The following ZRANB3 variants were observed in gnomAD, a reference collection of about 807,000 sequenced individuals.
The protein encoded by ZRANB3 is DNA annealing helicase and endonuclease ZRANB3.
A neutral mutation model predicts 133.8 loss-of-function variants in ZRANB3; 125 were observed. That is an observed-to-expected ratio of 0.93 (90% CI 0.81 to 1.08). The LOEUF is 1.08. ZRANB3 is among the 50% of genes least tolerant of loss of function. The probability of loss-of-function intolerance (pLI) is 0.00; values close to 1 mark genes in which losing one functional copy is unlikely to be tolerated. For missense variants in ZRANB3, 1,229 were observed against 1,275.5 expected, an observed-to-expected ratio of 0.96 and a Z score of 0.56; for synonymous variants, 387 against 432.7, an observed-to-expected ratio of 0.89 and a Z score of 1.31.
intron 2 of ZRANB3, among the ~76,000 whole-genome samples, chr2:135,484,361 A>G (rs1243229144): frequency 1.3e-5 from 2 of 152,244 alleles, no homozygotes; most frequent in Non-Finnish European, 2.9e-5. Flanking sequence ...CAAGCTTCTT[A>G]CATCTCCTGA....
At chr2:135,332,737 TG>T (rs1684205992) in intron 6 of ZRANB3, among the ~76,000 whole-genome samples, 1 of 152,124 alleles carries the variant, frequency 6.6e-6, no homozygotes, top group East Asian at 1.9e-4. Flanking sequence ...CCTTCGAAGG[TG>T]CTTGTTCATT....
chr2:135,442,139 A>G (rs1689808961), intron 2 of ZRANB3, among the ~76,000 whole-genome samples: 1 of 152,226 alleles, frequency 6.6e-6, no homozygotes, highest in Admixed American at 6.6e-5. Context: ...GCATGGGCAG[A>G]GACTTCAGGA....
intron 19 of ZRANB3, 62 bp from the exon 20 acceptor site, chr2:135,203,025 T>C: frequency 6.4e-7 from 1 of 1,569,744 alleles, no homozygotes; most frequent in Non-Finnish European, 8.7e-7. Context: ...TTTGTTGGTT[T>C]TGCATTGTGC....
intron 6 of ZRANB3, among the ~76,000 whole-genome samples, chr2:135,334,510 T>A (rs1332072106): frequency 2.6e-5 from 4 of 152,116 alleles, no homozygotes; most frequent in Non-Finnish European, 5.9e-5. Flanking sequence ...AGACACAACC[T>A]CTATTCAGCC....
rs1427444597 is a variant in ZRANB3 at position 135,202,921 on chromosome 2, G to C, written c.3052C>G (p.Gln1018Glu). ...TACACTGGCTTGATGTGATCCACCTGCCAGAAATGTCCTTCCCCTGGGTTT... is the reference window on the plus strand; with the variant it reads ...TACACTGGCTTGATGTGATCCACCTCCCAGAAATGTCCTTCCCCTGGGTTT... ...IRNPGEGHFW[Q>E]VDHIKPVYGG... is the part of the protein sequence containing the mutation. Residue 1018 changes from glutamine to glutamate, a missense_variant, in exon 20 of 21, where the codon CAG (glutamine) becomes GAG (glutamate). Physicochemically the swap from Gln to Glu is conservative, Grantham distance 29. Coordinates refer to ENST00000264159, the MANE Select transcript of ZRANB3 (RefSeq NM_032143.4). The C allele has an allele frequency of 1.2e-6, 2 of 1,612,642 alleles. No homozygotes were observed.
intron 6 of ZRANB3, among the ~76,000 whole-genome samples, chr2:135,321,040 A>G (rs1423719438): frequency 6.6e-5 from 10 of 152,232 alleles, no homozygotes; most frequent in Non-Finnish European, 1.3e-4. Flanking sequence ...AATTTCTGCA[A>G]TCACATTAGT....
intron 2 of ZRANB3, among the ~76,000 whole-genome samples, chr2:135,460,258 A>G (rs1574137855): frequency 6.6e-6 from 1 of 150,738 alleles, no homozygotes; most frequent in Middle Eastern, 3.5e-3. Context: ...ACTTTCAAAC[A>G]GCTAACTTTT....
At chr2:135,270,486 T>C (rs1680462227) in intron 10 of ZRANB3, among the ~76,000 whole-genome samples, 1 of 152,194 alleles carries the variant, frequency 6.6e-6, no homozygotes, top group Non-Finnish European at 1.5e-5. Context: ...CCATACATTA[T>C]TAATTTCAAA....
At chr2:135,307,015 T>C (rs971530406) in intron 8 of ZRANB3, among the ~76,000 whole-genome samples, 7 of 152,322 alleles carry the variant, frequency 4.6e-5, no homozygotes, top group Admixed American at 4.6e-4. Flanking sequence ...CATGAGCCAC[T>C]GTGCCAGTCA....
At chr2:135,526,604 T>C (rs968366747) in intron 1 of ZRANB3, among the ~76,000 whole-genome samples, 3 of 152,230 alleles carry the variant, frequency 2.0e-5, no homozygotes, top group Non-Finnish European at 4.4e-5. Flanking sequence ...CATAACATTA[T>C]GAGACAAGGA....
chr2:135,226,650 A>C (rs1010135767), intron 14 of ZRANB3, among the ~76,000 whole-genome samples: 3 of 152,216 alleles, frequency 2.0e-5, no homozygotes, highest in Admixed American at 6.5e-5. Context: ...ATCAATGTAC[A>C]ACTAACAAGC....
At chr2:135,260,819 T>C (rs1254427728) in intron 12 of ZRANB3, among the ~76,000 whole-genome samples, 3 of 145,528 alleles carry the variant, frequency 2.1e-5, no homozygotes, top group East Asian at 3.9e-4. Flanking sequence ...AGTATATATA[T>C]ACTATATATT....
chr2:135,411,361 T>C (rs1688294620), intron 2 of ZRANB3, among the ~76,000 whole-genome samples: 3 of 152,102 alleles, frequency 2.0e-5, no homozygotes, highest in Non-Finnish European at 4.4e-5. Flanking sequence ...AGTAAGGAGT[T>C]TTCTCATAGA....
At chr2:135,402,846 A>G (rs1687803131) in intron 2 of ZRANB3, among the ~76,000 whole-genome samples, 1 of 152,184 alleles carries the variant, frequency 6.6e-6, no homozygotes, top group African/African-American at 2.4e-5. Context: ...TCAGCCTACC[A>G]AAGTGCGAGG....
chr2:135,246,910 C>T (rs1695825758), intron 12 of ZRANB3, among the ~76,000 whole-genome samples: 1 of 152,154 alleles, frequency 6.6e-6, no homozygotes, highest in South Asian at 2.1e-4. Context: ...ACAGACAAAT[C>T]CCCTGGCTAT....
At chr2:135,265,761 G>A in intron 11 of ZRANB3, 75 bp from the exon 12 acceptor site, 1 of 1,448,510 alleles carries the variant, frequency 6.9e-7, no homozygotes, top group South Asian at 1.4e-5. Context: ...ACTTGATTTT[G>A]CATTTAAATC....
At chr2:135,242,683 T>C (rs16831481) in intron 12 of ZRANB3, among the ~76,000 whole-genome samples, 35,919 of 151,970 alleles carry the variant, frequency 0.24, 6,540 homozygotes, top group African/African-American at 0.49. Context: ...TCTTTCTAGA[T>C]CTCCTATTAG....
chr2:135,213,381 G>T (rs1694180780), intron 17 of ZRANB3, among the ~76,000 whole-genome samples: 1 of 152,180 alleles, frequency 6.6e-6, no homozygotes, highest in South Asian at 2.1e-4. Flanking sequence ...AGTCAATGCT[G>T]TTGTTCAACA....
chr2:135,470,221 A>T (rs934136513), intron 2 of ZRANB3, among the ~76,000 whole-genome samples: 7 of 151,164 alleles, frequency 4.6e-5, no homozygotes, highest in African/African-American at 1.5e-4. Context: ...ACTACTCAGA[A>T]GGCTGTGGCA....
Sources: gnomAD v4.1 joint callset for allele counts (sites outside exome capture counted in the v4.1 genomes callset) on GRCh38, gnomAD v4.1.1 for gene constraint, MANE v1.5 for transcripts, NCBI Gene and HGNC (gene_info 2026-07-23, HGNC 2026-07-21) for gene names.